The following WDR47 variants were observed in gnomAD, a reference collection of about 807,000 sequenced individuals.
WDR47 encodes WD repeat domain 47, also known as WD repeat-containing protein 47.
A neutral mutation model predicts 97.2 loss-of-function variants in WDR47; 32 were observed. The observed-to-expected ratio is 0.33, with a 90% CI of 0.25 to 0.44. The LOEUF (loss-of-function observed/expected upper bound fraction) is 0.44. Ranked by LOEUF, WDR47 falls within the 20% of genes least tolerant of loss-of-function variation. WDR47 has a pLI of 1.00. For missense variants in WDR47, 782 were observed against 1,102.3 expected, an observed-to-expected ratio of 0.71 and a Z score of 4.11; for synonymous variants, 375 against 373.5, an observed-to-expected ratio of 1.00 and a Z score of -0.05.
intron 3 of WDR47, among the ~76,000 whole-genome samples, chr1:109,015,740 C>A (rs1249624325): frequency 6.6e-6 from 1 of 151,604 alleles, no homozygotes; most frequent in Non-Finnish European, 1.5e-5. Context: ...GTAATCCCAG[C>A]ACTTTGGGAG....
In WDR47 at chr1:108,995,622, T is replaced by A. The variant is rs757821037; in HGVS notation, c.1649A>T (p.Asn550Ile). 2 of 1,614,190 alleles carry A rather than the reference T, an allele frequency of 1.2e-6. No individual in the cohort carries two copies. The highest frequency in any genetic ancestry group is 1.7e-6 in the Non-Finnish European group (2 of 1,180,018). Residue 550 changes from asparagine (N) to isoleucine (I), a missense_variant, in exon 8 of 15, where the codon AAT becomes ATT. By Grantham distance (149) the Asn-to-Ile change is moderately radical. Coordinates refer to ENST00000369962, the MANE Select transcript of WDR47 (RefSeq NM_001142551.2). ...TGATTCCTCCAGAAAAGGTATGTGA[T>A]TTGTTGATCCAGGATTACGAGGAGT... Reference protein sequence around the residue: ...TSTPRNPGSTNHIPFLEESPC... With the variant: ...TSTPRNPGSTIHIPFLEESPC...
chr1:109,009,976 T>G (rs1660911944), intron 5 of WDR47, among the ~76,000 whole-genome samples: 1 of 150,934 alleles, frequency 6.6e-6, no homozygotes, highest in South Asian at 2.1e-4. Context: ...CCAGCCTGAG[T>G]GACAAAAGCA....
chr1:109,004,505 A>C, intron 6 of WDR47, 87 bp downstream of exon 6: 1 of 1,431,438 alleles, frequency 7.0e-7, no homozygotes, highest in South Asian at 1.5e-5. Flanking sequence ...CCCAAATATC[A>C]GAAAATTCTT....
rs1189964189 is a variant in WDR47 at position 109,012,403 on chromosome 1, C to G, written c.328-685G>C. ...CCTGGCCAACACAGTGAAACCCCGT[C>G]TCTAATAAAAATACAAAAAATTAGC... On this transcript the variant is annotated intron_variant, in intron 4 of 14. Coordinates refer to ENST00000369962, the MANE Select transcript of WDR47 (RefSeq NM_001142551.2). 5.9e-5 allele frequency among the ~76,000 whole-genome samples: 9 copies of G among 151,664 alleles called. No individual in the cohort carries two copies. In the South Asian group the frequency reaches 8.3e-4, roughly 14 times the overall value.
intron 7 of WDR47, among the ~76,000 whole-genome samples, chr1:108,996,674 T>A (rs1361894024): frequency 6.6e-6 from 1 of 152,222 alleles, no homozygotes; most frequent in Non-Finnish European, 1.5e-5. Flanking sequence ...GTCTCTGATC[T>A]AGACAATAGG....
intron 12 of WDR47, 27 bp from the exon 13 acceptor site, chr1:108,981,891 TA>T: frequency 6.2e-7 from 1 of 1,602,608 alleles, no homozygotes; most frequent in Non-Finnish European, 8.5e-7. Flanking sequence ...ACTCAATTAT[TA>T]AGGTGGGAGA....
rs185993862 is a variant in WDR47 at position 109,032,583 on chromosome 1, T to C, written c.-9-9062A>G. On this transcript the variant is annotated intron_variant, in intron 1 of 14. Transcript: ENST00000369962. ...ATGCAGAAAAGGTAAAGAAAAAAAA[T>C]TGTCAACTTTGACACTAAAAATGTA... Among the ~76,000 whole-genome samples, 275 of 150,332 alleles carry C rather than the reference T, an allele frequency of 1.8e-3. 1 individual carries two copies. The highest frequency in any genetic ancestry group is 6.5e-3 in the African/African-American group (264 of 40,858).
intron 1 of WDR47, among the ~76,000 whole-genome samples, chr1:109,028,166 A>G (rs1411286609): frequency 2.0e-5 from 3 of 152,126 alleles, no homozygotes; most frequent in African/African-American, 7.2e-5. Flanking sequence ...ACAAAAGTAC[A>G]GAACAGATGA....
intron 2 of WDR47, among the ~76,000 whole-genome samples, chr1:109,019,703 T>C (rs147359041): frequency 2.5e-3 from 384 of 152,176 alleles, no homozygotes; most frequent in Admixed American, 2.8e-3. Flanking sequence ...TTGTGAATTC[T>C]ATGTGAAATC....
Position 108,971,220 on chromosome 1 carries a change from G to C in WDR47, c.*210C>G, listed in dbSNP as rs1657430509. The C allele has an allele frequency of 1.7e-6, 1 of 595,424 alleles. No homozygotes were observed. The highest frequency in any genetic ancestry group is 1.9e-5 in the African/African-American group (1 of 53,808). The allele number at this position is 595,424 out of a possible 1,614,324, so 36.9% of individuals were successfully genotyped here. ...TTTGGCAACGAGACTACATATAGCA[G>C]GTCACAGCAGCACGAGCTCACATGG... On this transcript the variant is annotated 3_prime_UTR_variant, in exon 15 of 15. Coordinates refer to ENST00000369962, the MANE Select transcript of WDR47 (RefSeq NM_001142551.2).
At chr1:109,023,549 G>A in intron 1 of WDR47, 28 bp from the exon 2 acceptor site, 1 of 1,590,836 alleles carries the variant, frequency 6.3e-7, no homozygotes, top group East Asian at 2.2e-5. Context: ...AAACAATAAA[G>A]CTAGTCCTAT....
At chr1:108,998,960 A>G (rs1273036754) in intron 7 of WDR47, among the ~76,000 whole-genome samples, 1 of 152,242 alleles carries the variant, frequency 6.6e-6, no homozygotes, top group Admixed American at 6.5e-5. Context: ...TGGGCCAGGC[A>G]TGAGCCTGTA....
intron 3 of WDR47, 60 bp from the exon 4 acceptor site, chr1:109,013,985 GT>G: frequency 8.0e-7 from 1 of 1,255,810 alleles, no homozygotes; most frequent in Non-Finnish European, 1.1e-6. Flanking sequence ...ATACTTAGAA[GT>G]TACTATGTAA....
chr1:108,974,877 G>T, intron 13 of WDR47, 123 bp from the exon 14 acceptor site: 1 of 799,090 alleles, frequency 1.3e-6, no homozygotes, highest in Non-Finnish European at 1.9e-6. Context: ...ACTATTCAGC[G>T]ATGAAAAAAT....
chr1:108,999,446 G>A (rs562832028), intron 7 of WDR47, among the ~76,000 whole-genome samples: 1 of 152,050 alleles, frequency 6.6e-6, no homozygotes, highest in Non-Finnish European at 1.5e-5. Flanking sequence ...GTTCTCGCCT[G>A]TAATCCCAGC....
At chr1:108,985,434 C>T (rs1198514158) in intron 10 of WDR47, among the ~76,000 whole-genome samples, 1 of 152,196 alleles carries the variant, frequency 6.6e-6, no homozygotes, top group Non-Finnish European at 1.5e-5. Flanking sequence ...TCTGACTCGC[C>T]AGTTTGCACC....
Position 108,983,467 on chromosome 1 carries a change from A to G in WDR47, c.1926-16T>C, listed in dbSNP as rs1202086487. On this transcript the variant is annotated splice_polypyrimidine_tract_variant and intron_variant, in intron 10 of 14. Transcript: ENST00000369962. Reference sequence around the variant, plus strand: ...CTCATGTGCACTGAAAAGAAAAATTACAGAAATATATTTCAATTTCTTGCT... The same window carrying G: ...CTCATGTGCACTGAAAAGAAAAATTGCAGAAATATATTTCAATTTCTTGCT... 1 of 1,529,116 alleles carries G rather than the reference A, an allele frequency of 6.5e-7. No individual in the cohort carries two copies. The highest frequency in any genetic ancestry group is 8.8e-7 in the Non-Finnish European group (1 of 1,136,292). The allele number at this position is 1,529,116 out of a possible 1,614,324, so 94.7% of individuals were successfully genotyped here. A position where few individuals can be genotyped will look rare whatever the true frequency, so the allele number is the denominator to read the frequency against.
intron 10 of WDR47, 141 bp from the exon 11 acceptor site, chr1:108,983,592 A>G: frequency 1.5e-6 from 1 of 683,360 alleles, no homozygotes; most frequent in Non-Finnish European, 2.1e-6. Flanking sequence ...AAAATCATAG[A>G]AGAAATAAAA....
intron 7 of WDR47, among the ~76,000 whole-genome samples, chr1:108,997,349 G>A (rs1018561584): frequency 1.2e-4 from 18 of 151,608 alleles, no homozygotes; most frequent in African/African-American, 4.4e-4. Flanking sequence ...AGGCTGAGGT[G>A]GAAGGATTGC....
Sources: allele counts gnomAD v4.1 joint callset (sites outside exome capture counted in the v4.1 genomes callset), GRCh38; gene constraint gnomAD v4.1.1; transcripts MANE v1.5; gene names NCBI Gene and HGNC (gene_info 2026-07-23, HGNC 2026-07-21).